Variants in TMEM30A observed in about 807,000 individuals in gnomAD.
TMEM30A encodes cell cycle control protein 50A.
Under a neutral mutation model 38.2 loss-of-function variants are expected in TMEM30A, and 24 were observed. The observed-to-expected ratio is 0.63, with a 90% CI of 0.46 to 0.88. The LOEUF (loss-of-function observed/expected upper bound fraction) is 0.88. TMEM30A is among the 40% of genes least tolerant of loss of function. The pLI is 0.00. For synonymous variants in TMEM30A, 145 were observed against 161.6 expected (o/e 0.90, Z 0.78); for missense variants, 370 against 458.6 (o/e 0.81, Z 1.77).
At chr6:75,269,681 G>A (rs1772133714) in intron 1 of TMEM30A, among the ~76,000 whole-genome samples, 2 of 152,136 alleles carry the variant, frequency 1.3e-5, no homozygotes, top group Admixed American at 1.3e-4. Context: ...CTGGATCATA[G>A]AGTAAGAGTA....
intron 1 of TMEM30A, among the ~76,000 whole-genome samples, chr6:75,271,227 A>T (rs1190209187): frequency 1.3e-5 from 2 of 152,236 alleles, no homozygotes; most frequent in African/African-American, 4.8e-5. Flanking sequence ...TCTAGGGGCA[A>T]AATCTGCAAG....
At position 75,254,399 on chromosome 6, in the gene TMEM30A, AAC is replaced by A. The variant is rs781536157; in HGVS notation, c.*1701_*1702del. 3.3e-5 allele frequency: 5 copies of A among 152,078 alleles called. No homozygotes were observed. Among genetic ancestry groups the A allele is most frequent in the Admixed American group, 2.6e-4 (4 of 15,240 alleles). The allele number at this position is 152,078 out of a possible 1,614,324, so 9.4% of individuals were successfully genotyped here. A position where few individuals can be genotyped will look rare whatever the true frequency, so the allele number is the denominator to read the frequency against. ...AAATAATATTCTGAAGGACTGACAA[AAC>A]AGACTATTTTTAGACAAAGAACACA... On this transcript the variant is annotated 3_prime_UTR_variant, in exon 7 of 7. Transcript: ENST00000230461.
intron 1 of TMEM30A, among the ~76,000 whole-genome samples, chr6:75,269,207 T>C (rs240396): frequency 0.92 from 139,422 of 152,144 alleles, 64,103 homozygotes; most frequent in East Asian, 0.98. Context: ...ACACTTGGTG[T>C]ATATTCTATG....
rs1216763378 is a variant in TMEM30A, at chr6:75,259,507, A to G, written c.542-17T>C. 6.3e-7 allele frequency: 1 copy of G among 1,580,258 alleles called. No homozygotes were observed. The highest frequency in any genetic ancestry group is 8.6e-7 in the Non-Finnish European group (1 of 1,165,146). Reference sequence around the variant, plus strand: ...CTAATGTATCTAAACACAAGCAAAGAAAGACATTACTAACTATCTCTTGAA... The same window carrying G: ...CTAATGTATCTAAACACAAGCAAAGGAAGACATTACTAACTATCTCTTGAA... On this transcript the variant is annotated splice_polypyrimidine_tract_variant and intron_variant, in intron 4 of 6. Coordinates refer to ENST00000230461, the MANE Select transcript of TMEM30A (RefSeq NM_018247.4).
At chr6:75,270,672 A>G (rs939962520) in intron 1 of TMEM30A, among the ~76,000 whole-genome samples, 1 of 152,228 alleles carries the variant, frequency 6.6e-6, no homozygotes, top group Admixed American at 6.5e-5. Flanking sequence ...AACCCAACCA[A>G]TGGAAGGTAT....
chr6:75,256,124 TTAC>T lies in TMEM30A; in HGVS notation c.1061_1063del (p.Ser354del). 6.2e-7 allele frequency: 1 copy of T among 1,610,600 alleles called. No homozygotes were observed. The highest frequency in any genetic ancestry group is 8.5e-7 in the Non-Finnish European group (1 of 1,177,480). On this transcript the variant is annotated inframe_deletion, in exon 7 of 7. Coordinates refer to ENST00000230461, the MANE Select transcript of TMEM30A (RefSeq NM_018247.4). ...AAATTAAATGGTAATGTCAGCTGTA[TTAC>T]TACTGTTTCTATATTTATGATTAAT...
At chr6:75,282,349 C>T (rs539589359) in intron 1 of TMEM30A, among the ~76,000 whole-genome samples, 12 of 152,256 alleles carry the variant, frequency 7.9e-5, no homozygotes, top group Admixed American at 2.0e-4. Context: ...ATTTCTATTT[C>T]GTCTACTACT....
At chr6:75,259,172 T>C (rs1012217882) in intron 5 of TMEM30A, among the ~76,000 whole-genome samples, 175 bp downstream of exon 5, 1 of 152,232 alleles carries the variant, frequency 6.6e-6, no homozygotes, top group African/African-American at 2.4e-5. Flanking sequence ...ATTAAAAGTA[T>C]ACATTTCCTT....
rs187315536 is a variant in TMEM30A, at chr6:75,267,965, C to T, written c.238-217G>A. Among the ~76,000 whole-genome samples, 23 of 152,188 alleles carry T rather than the reference C, an allele frequency of 1.5e-4. No homozygotes were observed. In the East Asian group the frequency reaches 4.4e-3, roughly 29 times the overall value. Reference sequence around the variant, plus strand: ...CTGGCTGATCTTTCCAAGTAAAGTCCTCTCTTCTTTTTATCAAAGAAATAT... The same window carrying T: ...CTGGCTGATCTTTCCAAGTAAAGTCTTCTCTTCTTTTTATCAAAGAAATAT... On this transcript the variant is annotated intron_variant, in intron 1 of 6. Coordinates refer to ENST00000230461, the MANE Select transcript of TMEM30A (RefSeq NM_018247.4).
chr6:75,268,227 G>C lies in TMEM30A; in HGVS notation c.238-479C>G, dbSNP rs2149521262. Reference sequence around the variant, plus strand: ...CTGGTGCTGAATTTGTCTTTGTCTTGGGTTCCCGGCAAGGAGCTTTATGCT... The same window carrying C: ...CTGGTGCTGAATTTGTCTTTGTCTTCGGTTCCCGGCAAGGAGCTTTATGCT... On this transcript the variant is annotated intron_variant, in intron 1 of 6. Coordinates refer to ENST00000230461, the MANE Select transcript of TMEM30A (RefSeq NM_018247.4). Among the ~76,000 whole-genome samples the C allele has an allele frequency of 2.0e-5, 3 of 152,206 alleles. No homozygotes were observed. In the Middle Eastern group the frequency reaches 0.01, roughly 518 times the overall value.
chr6:75,280,806 G>A (rs904521675), intron 1 of TMEM30A, among the ~76,000 whole-genome samples: 3 of 152,042 alleles, frequency 2.0e-5, no homozygotes, highest in African/African-American at 7.2e-5. Flanking sequence ...AATCTTTAAC[G>A]ATAATTTATA....
intron 3 of TMEM30A, among the ~76,000 whole-genome samples, chr6:75,264,599 G>A (rs1237706292): frequency 2.0e-5 from 3 of 151,782 alleles, no homozygotes; most frequent in Non-Finnish European, 4.4e-5. Context: ...TCGCGCCACT[G>A]CACTCCAGTC....
rs759177025 is a variant in TMEM30A at position 75,267,603 on chromosome 6, A to G, written c.345+38T>C. On this transcript the variant is annotated intron_variant, in intron 2 of 6. Coordinates refer to ENST00000230461, the MANE Select transcript of TMEM30A (RefSeq NM_018247.4). Reference sequence around the variant, plus strand: ...TTAGTACAGTATCAGTATTTTTTAAAGCATGGCTTTTCTAGCACATTACTT... The same window carrying G: ...TTAGTACAGTATCAGTATTTTTTAAGGCATGGCTTTTCTAGCACATTACTT... The G allele has an allele frequency of 4.8e-5, 71 of 1,466,510 alleles. No individual in the cohort carries two copies. In the South Asian group the frequency reaches 7.8e-4, roughly 16 times the overall value. The allele number at this position is 1,466,510 out of a possible 1,614,324, so 90.8% of individuals were successfully genotyped here.
intron 6 of TMEM30A, among the ~76,000 whole-genome samples, chr6:75,257,071 C>T (rs1194367885): frequency 6.6e-6 from 1 of 152,166 alleles, no homozygotes; most frequent in Non-Finnish European, 1.5e-5. Context: ...AACTCTCCAT[C>T]CCCACAGATG....
rs1321241445 is a variant in TMEM30A, at chr6:75,267,710, A to G, written c.276T>C (p.Asn92=). The G allele has an allele frequency of 6.2e-7, 1 of 1,611,966 alleles. No homozygotes were observed. Residue 92 remains asparagine, a synonymous_variant, in exon 2 of 7, where the codon AAT becomes AAC. Coordinates refer to ENST00000230461, the MANE Select transcript of TMEM30A (RefSeq NM_018247.4). Reference sequence around the variant, plus strand: ...GTGTCACATCCGGAGATAAACATTTATTACAGGGACTGGAAGGCTCTGTTC... The same window carrying G: ...GTGTCACATCCGGAGATAAACATTTGTTACAGGGACTGGAAGGCTCTGTTC... The part of the protein sequence containing the change: ...YTGTEPSSPC[N]KCLSPDVTPC...
At chr6:75,274,969 C>T (rs998071421) in intron 1 of TMEM30A, among the ~76,000 whole-genome samples, 1 of 150,026 alleles carries the variant, frequency 6.7e-6, no homozygotes, top group African/African-American at 2.5e-5. Context: ...CAAGATCGTG[C>T]CACTGCACTC....
Position 75,265,356 on chromosome 6 carries a change from G to A in TMEM30A, c.346-18C>T, listed in dbSNP as rs1257617276. 6.8e-7 allele frequency: 1 copy of A among 1,476,454 alleles called. No homozygotes were observed. Among genetic ancestry groups the A allele is most frequent in the South Asian group, 1.2e-5 (1 of 81,508 alleles). The allele number at this position is 1,476,454 out of a possible 1,614,324, so 91.5% of individuals were successfully genotyped here. ...ACGTTGCCCTAGAGAAACAGAGAGG[G>A]AAAAAATTTTCATATAAAAACTATT... On this transcript the variant is annotated intron_variant, in intron 2 of 6. Coordinates refer to ENST00000230461, the MANE Select transcript of TMEM30A (RefSeq NM_018247.4).
rs1024774860 is a variant in TMEM30A, at chr6:75,284,284, T to C, written c.237+118A>G. 11 of 942,654 alleles carry C rather than the reference T, an allele frequency of 1.2e-5. No individual in the cohort carries two copies. In the African/African-American group the frequency reaches 1.5e-4, roughly 13 times the overall value. The allele number at this position is 942,654 out of a possible 1,614,324, so 58.4% of individuals were successfully genotyped here. ...CAGAGAAACAGAGGGAAGGGGGTGG[T>C]GGACGGCGCGAGGTCAGCCAGTCAA... On this transcript the variant is annotated intron_variant, in intron 1 of 6. Coordinates refer to ENST00000230461, the MANE Select transcript of TMEM30A (RefSeq NM_018247.4).
chr6:75,262,621 G>A (rs1582276733), intron 3 of TMEM30A, among the ~76,000 whole-genome samples: 1 of 149,610 alleles, frequency 6.7e-6, no homozygotes, highest in African/African-American at 2.5e-5. Context: ...CAGCCTGGGC[G>A]ACAGAGTGGT....
Sources: gnomAD v4.1 joint callset for allele counts (sites outside exome capture counted in the v4.1 genomes callset) on GRCh38, gnomAD v4.1.1 for gene constraint, MANE v1.5 for transcripts, NCBI Gene and HGNC (gene_info 2026-07-23, HGNC 2026-07-21) for gene names.